The following GEMIN5 variants were observed in gnomAD, a reference collection of about 807,000 sequenced individuals.
GEMIN5 encodes gem nuclear organelle associated protein 5.
GEMIN5 carries 124 observed loss-of-function variants against 176.9 expected under a neutral mutation model. The observed-to-expected ratio is 0.70, with a 90% CI of 0.61 to 0.81. The LOEUF is 0.81. Among genes scored for constraint, GEMIN5 ranks in the 40% least tolerant of loss-of-function variants. GEMIN5 has a pLI of 0.00. For synonymous variants in GEMIN5, 673 were observed against 665.2 expected (o/e 1.01, Z -0.18); for missense variants, 1,843 against 1,814.6 (o/e 1.02, Z -0.28).
chr5:154,904,602 C>T lies in GEMIN5; in HGVS notation c.2537G>A (p.Arg846His), dbSNP rs372761872. The change falls in exon 18 of 28, where the codon CGT becomes CAT. Residue 846 changes from arginine (R) to histidine (H), a missense_variant. Transcript: ENST00000285873. ...GCTTGTACTCAGGGGAAGCAAGGAA[C>T]GAGCTTTTCTCTTCTTGATTAAGGT... Reference protein sequence around the residue: ...PETLIKKRKARSLLPLSTSLD... With the variant: ...PETLIKKRKAHSLLPLSTSLD... The T allele has an allele frequency of 2.1e-5, 34 of 1,611,554 alleles. No individual in the cohort carries two copies. Among genetic ancestry groups the T allele is most frequent in the South Asian group, 2.0e-4 (18 of 91,022 alleles).
intron 21 of GEMIN5, among the ~76,000 whole-genome samples, chr5:154,900,640 G>C (rs1763442683): frequency 6.6e-6 from 1 of 152,156 alleles, no homozygotes; most frequent in Non-Finnish European, 1.5e-5. Context: ...AAATCTGAGG[G>C]GCAGGATACT....
At chr5:154,929,691 T>C (rs990596796) in intron 5 of GEMIN5, among the ~76,000 whole-genome samples, 2 of 152,240 alleles carry the variant, frequency 1.3e-5, no homozygotes, top group Non-Finnish European at 2.9e-5. Context: ...CTCAGCCTTA[T>C]GTTCCCACTT....
At chr5:154,898,031 G>A (rs921613664) in intron 23 of GEMIN5, among the ~76,000 whole-genome samples, 6 of 148,558 alleles carry the variant, frequency 4.0e-5, no homozygotes, top group African/African-American at 1.5e-4. Flanking sequence ...TCCCAAGTAA[G>A]CTAGGATTAC....
Position 154,899,173 on chromosome 5 carries a change from T to TTG in GEMIN5, c.3134+17_3134+18insCA. 6.3e-7 allele frequency: 1 copy of TTG among 1,599,452 alleles called. No homozygotes were observed. Among genetic ancestry groups the TTG allele is most frequent in the Admixed American group, 1.7e-5 (1 of 57,484 alleles). ...AGCTCTCCTATGTTGGAAGCATCCCTCCACTCCTCAGGCTTACCATTTGGC... is the reference window on the plus strand; with the variant it reads ...AGCTCTCCTATGTTGGAAGCATCCCTTGCCACTCCTCAGGCTTACCATTTGGC... On this transcript the variant is annotated intron_variant, in intron 22 of 27. Coordinates refer to ENST00000285873, the MANE Select transcript of GEMIN5 (RefSeq NM_015465.5).
chr5:154,934,282 G>A (rs951714536), intron 3 of GEMIN5, among the ~76,000 whole-genome samples: 29 of 152,254 alleles, frequency 1.9e-4, no homozygotes, highest in African/African-American at 7.0e-4. Flanking sequence ...TACCTCCTGG[G>A]TTCAAGTGAT....
At chr5:154,889,747 G>A (rs2113449101) in intron 26 of GEMIN5, among the ~76,000 whole-genome samples, 2 of 152,252 alleles carry the variant, frequency 1.3e-5, no homozygotes, top group South Asian at 4.1e-4. Flanking sequence ...CATATAAGTG[G>A]AGTCATATAG....
In GEMIN5 at chr5:154,907,729, C is replaced by T; in HGVS notation, c.2257G>A (p.Val753Ile). The T allele has an allele frequency of 1.9e-6, 3 of 1,614,144 alleles. No individual in the cohort carries two copies. The highest frequency in any genetic ancestry group is 1.7e-6 in the Non-Finnish European group (2 of 1,180,006). The change falls in exon 16 of 28, where the codon GTA (valine) becomes ATA (isoleucine). Residue 753 changes from valine to isoleucine, a missense_variant. Val to Ile is a conservative substitution (Grantham distance 29). Transcript: ENST00000285873. Reference protein sequence around the residue: ...KKKKPTLRTPVKLESIDGNEE... With the variant: ...KKKKPTLRTPIKLESIDGNEE... ...TTTCCATCAATCGATTCCAGCTTTA[C>T]AGGAGTTCTCAAGGTGGGCTTTTTC...
chr5:154,916,380 C>A (rs1250310300), intron 13 of GEMIN5, among the ~76,000 whole-genome samples: 6 of 152,126 alleles, frequency 3.9e-5, no homozygotes, highest in Non-Finnish European at 8.8e-5. Context: ...TTAATATATA[C>A]TAACATGTAT....
chr5:154,908,002 C>A (rs1232555205), intron 15 of GEMIN5, among the ~76,000 whole-genome samples, 184 bp from the exon 16 acceptor site: 1 of 151,942 alleles, frequency 6.6e-6, no homozygotes, highest in African/African-American at 2.4e-5. Context: ...TTCATTAAAT[C>A]ATAAACATGA....
Position 154,901,345 on chromosome 5 carries a change from A to G in GEMIN5, c.3008T>C (p.Phe1003Ser). 1 of 1,614,044 alleles carries G rather than the reference A, an allele frequency of 6.2e-7. No individual in the cohort carries two copies. Among genetic ancestry groups the G allele is most frequent in the Non-Finnish European group, 8.5e-7 (1 of 1,179,898 alleles). The stretch of plus-strand genomic sequence containing the variant: ...ACTCTAGGACCACACAGACCTGTAA[A>G]AATGGTTTGACTTGAGCAGCTCCAC... Reference protein sequence around the residue: ...EAVELLKSNHFYREAIAIAKA... With the variant: ...EAVELLKSNHSYREAIAIAKA... The change falls in exon 21 of 28, where the codon TTT becomes TCT. Residue 1003 changes from phenylalanine (F) to serine (S), a missense_variant. Transcript: ENST00000285873.
At chr5:154,902,759 G>C in intron 19 of GEMIN5, 83 bp from the exon 20 acceptor site, 2 of 1,376,554 alleles carry the variant, frequency 1.5e-6, no homozygotes, top group Non-Finnish European at 2.0e-6. Flanking sequence ...CAAGATAGAA[G>C]AGAAAGTGAG....
At chr5:154,937,216 G>A (rs376791830) in intron 1 of GEMIN5, 31 bp from the exon 2 acceptor site, 2 of 1,556,268 alleles carry the variant, frequency 1.3e-6, no homozygotes, top group Admixed American at 3.7e-5. Flanking sequence ...TAGGTTAATC[G>A]AAGTGCTATC....
intron 15 of GEMIN5, among the ~76,000 whole-genome samples, chr5:154,908,171 C>CTTT (rs1561716794): frequency 1.5e-4 from 13 of 88,696 alleles, no homozygotes; most frequent in Admixed American, 5.2e-4. Context: ...ACCCAGATGT[C>CTTT]CTTTTTTTTT....
rs1429050078 is a variant in GEMIN5 at position 154,889,316 on chromosome 5, C to G, written c.4359+5G>C. ...CTTTACCAAATGAACTGCTTTAACT[C>G]TTACCTTAATGCTCTCAGGAAATTT... is the stretch of plus-strand genomic sequence containing the variant. On this transcript the variant is annotated splice_donor_5th_base_variant and intron_variant, in intron 27 of 27. Transcript: ENST00000285873. 2 of 1,471,890 alleles carry G rather than the reference C, an allele frequency of 1.4e-6. No individual in the cohort carries two copies. Among genetic ancestry groups the G allele is most frequent in the Admixed American group, 1.7e-5 (1 of 59,760 alleles). 91.2% of individuals were successfully genotyped at this position (1,471,890 alleles called of 1,614,324 possible). A position where few individuals can be genotyped will look rare whatever the true frequency, so the allele number is the denominator to read the frequency against.
intron 2 of GEMIN5, among the ~76,000 whole-genome samples, chr5:154,936,306 A>G (rs536630866): frequency 6.6e-5 from 10 of 152,108 alleles, no homozygotes; most frequent in South Asian, 6.2e-4. Flanking sequence ...AGTTCCAGCT[A>G]CTCGAGAGGC....
rs191662026 is a variant in GEMIN5, at chr5:154,922,942, C to T, written c.1380-1517G>A. 6.9e-3 allele frequency among the ~76,000 whole-genome samples: 1,056 copies of T among 152,092 alleles called. 13 individuals carry two copies. Among genetic ancestry groups the T allele is most frequent in the African/African-American group, 0.023 (943 of 41,486 alleles). On this transcript the variant is annotated intron_variant, in intron 9 of 27. Coordinates refer to ENST00000285873, the MANE Select transcript of GEMIN5 (RefSeq NM_015465.5). Reference sequence around the variant, plus strand: ...CAATCTCCTGACCTCAGGATCCGCCCGCCTCAGCCTCCCAAAGTGTTGGGA... The same window carrying T: ...CAATCTCCTGACCTCAGGATCCGCCTGCCTCAGCCTCCCAAAGTGTTGGGA...
rs199779850 is a variant in GEMIN5 at position 154,931,600 on chromosome 5, G to C, written c.662-23C>G. The stretch of plus-strand genomic sequence containing the variant: ...CTTCTATGAGATAGGTGGCAATTTT[G>C]TTTTTAATTTACATTAAACACGCAC... On this transcript the variant is annotated intron_variant, in intron 4 of 27. Coordinates refer to ENST00000285873, the MANE Select transcript of GEMIN5 (RefSeq NM_015465.5). The C allele has an allele frequency of 2.0e-5, 32 of 1,570,676 alleles. No individual in the cohort carries two copies. The African/African-American group carries it at 3.7e-4, about 18-fold the overall frequency.
intron 26 of GEMIN5, among the ~76,000 whole-genome samples, chr5:154,890,887 C>T (rs1046473678): frequency 6.6e-6 from 1 of 152,104 alleles, no homozygotes; most frequent in Non-Finnish European, 1.5e-5. Flanking sequence ...CCTCAGCCCC[C>T]CAAGTAGCTG....
Position 154,891,619 on chromosome 5 carries a change from G to A in GEMIN5, c.3884C>T (p.Pro1295Leu), listed in dbSNP as rs758843888. ...TACCCAGACACTGGAATTTGGGCAA[G>A]GTCTGGAGAGAGACCACCAGAATTC... The part of the protein sequence containing the change: ...LYEFWWSLSR[P>L]CPNSSVWVRA... Residue 1295 changes from proline to leucine, a missense_variant, in exon 26 of 28, where the codon CCT becomes CTT. Coordinates refer to ENST00000285873, the MANE Select transcript of GEMIN5 (RefSeq NM_015465.5). 6.2e-7 allele frequency: 1 copy of A among 1,614,128 alleles called. No individual in the cohort carries two copies. Among genetic ancestry groups the A allele is most frequent in the Admixed American group, 1.7e-5 (1 of 60,014 alleles).
Sources: allele counts gnomAD v4.1 joint callset (sites outside exome capture counted in the v4.1 genomes callset), GRCh38; gene constraint gnomAD v4.1.1; transcripts MANE v1.5; gene names NCBI Gene and HGNC (gene_info 2026-07-23, HGNC 2026-07-21).